CDC42SE2: variants seen among roughly 807,000 people sequenced by gnomAD.
CDC42SE2 encodes CDC42 small effector protein 2.
A neutral mutation model predicts 11.5 loss-of-function variants in CDC42SE2; 3 were observed. That is an observed-to-expected ratio of 0.26 (90% confidence interval 0.12 to 0.67). The LOEUF (loss-of-function observed/expected upper bound fraction) is 0.67, where lower values mean the gene tolerates loss of function less well. Among genes scored for constraint, CDC42SE2 ranks in the 30% least tolerant of loss-of-function variants. The pLI, the probability that CDC42SE2 is intolerant of heterozygous loss-of-function variation, is 0.80. For synonymous variants in CDC42SE2, 33 were observed against 34.8 expected (o/e 0.95, Z 0.18); for missense variants, 82 against 106.8 (o/e 0.77, Z 1.02).
At chr5:131,294,396 T>A (rs1276533548) in intron 1 of CDC42SE2, among the ~76,000 whole-genome samples, 3 of 152,180 alleles carry the variant, frequency 2.0e-5, no homozygotes. Context: ...TTTTCTGGGA[T>A]CAAATAAAAC....
intron 1 of CDC42SE2, among the ~76,000 whole-genome samples, chr5:131,285,523 C>G (rs1435641483): frequency 6.6e-6 from 1 of 152,040 alleles, no homozygotes; most frequent in African/African-American, 2.4e-5. Flanking sequence ...TAGAATAATT[C>G]TTGTGTATTT....
intron 3 of CDC42SE2, among the ~76,000 whole-genome samples, chr5:131,384,985 C>A (rs1485751643): frequency 6.6e-6 from 1 of 151,876 alleles, no homozygotes; most frequent in African/African-American, 2.4e-5. Flanking sequence ...GGTTTAGTTC[C>A]CAGCTAGAAC....
chr5:131,288,493 A>G (rs1039927743), intron 1 of CDC42SE2, among the ~76,000 whole-genome samples: 1 of 151,998 alleles, frequency 6.6e-6, no homozygotes, highest in African/African-American at 2.4e-5. Context: ...CAAATACTGT[A>G]ATTTCGATTC....
intron 3 of CDC42SE2, among the ~76,000 whole-genome samples, chr5:131,375,233 G>C (rs1422768045): frequency 2.4e-5 from 3 of 127,078 alleles, no homozygotes; most frequent in South Asian, 4.6e-4. Context: ...GATTTGCTTA[G>C]AGATTCTTTT....
chr5:131,340,304 G>A lies in CDC42SE2; in HGVS notation c.-285-18905G>A, dbSNP rs1035388805. 1.6e-4 allele frequency among the ~76,000 whole-genome samples: 24 copies of A among 152,224 alleles called. 2 individuals are homozygous for A. The highest frequency in any genetic ancestry group is 6.2e-4 in the South Asian group (3 of 4,828). ...GAGTAGCATGATGAAATTTTGAACC[G>A]TCATGCTGTGTCTCATCTGGAACAT... On this transcript the variant is annotated intron_variant, in intron 2 of 4. Coordinates refer to ENST00000505065, the MANE Select transcript of CDC42SE2 (RefSeq NM_001375635.1).
intron 3 of CDC42SE2, among the ~76,000 whole-genome samples, chr5:131,360,560 A>G (rs1043545191): frequency 7.2e-5 from 11 of 152,222 alleles, no homozygotes; most frequent in African/African-American, 1.4e-4. Flanking sequence ...AACCTTTTGC[A>G]TAGTAAATAA....
intron 2 of CDC42SE2, among the ~76,000 whole-genome samples, chr5:131,328,788 C>G (rs1432133597): frequency 6.6e-6 from 1 of 152,070 alleles, no homozygotes; most frequent in African/African-American, 2.4e-5. Context: ...GAATTTATGT[C>G]CAGGTGAGTT....
chr5:131,220,114 C>T, the CDC42SE2 span, among the ~76,000 whole-genome samples: 2 of 152,202 alleles, frequency 1.3e-5, no homozygotes, highest in South Asian at 2.1e-4. Flanking sequence ...AGGTTGTCAG[C>T]GCATAATGCT....
At chr5:131,290,070 C>G (rs1185336281) in intron 1 of CDC42SE2, among the ~76,000 whole-genome samples, 3 of 151,788 alleles carry the variant, frequency 2.0e-5, no homozygotes. Context: ...TGGTCTTCAC[C>G]TCCTGGCCTA....
At chr5:131,377,269 A>T (rs1338740053) in intron 3 of CDC42SE2, among the ~76,000 whole-genome samples, 1 of 151,844 alleles carries the variant, frequency 6.6e-6, no homozygotes, top group Non-Finnish European at 1.5e-5. Flanking sequence ...CCCGGGTTCA[A>T]ACGATTATTG....
the CDC42SE2 span, among the ~76,000 whole-genome samples, chr5:131,229,368 T>G: frequency 6.6e-6 from 1 of 152,088 alleles, no homozygotes. Context: ...ATACAATTTC[T>G]TCCTGTAGCC....
intron 2 of CDC42SE2, among the ~76,000 whole-genome samples, chr5:131,358,292 T>A (rs1050808577): frequency 6.6e-6 from 1 of 152,184 alleles, no homozygotes; most frequent in Non-Finnish European, 1.5e-5. Context: ...GAGGGAGATA[T>A]GTTGCCTTAC....
chr5:131,372,923 C>A (rs1331426492), intron 3 of CDC42SE2, among the ~76,000 whole-genome samples: 2 of 152,082 alleles, frequency 1.3e-5, no homozygotes, highest in Non-Finnish European at 2.9e-5. Flanking sequence ...AGTGAATGCT[C>A]TTATTATGGA....
chr5:131,346,649 C>A (rs979820707), intron 2 of CDC42SE2, among the ~76,000 whole-genome samples: 1 of 152,084 alleles, frequency 6.6e-6, no homozygotes, highest in African/African-American at 2.4e-5. Flanking sequence ...TGCACCAAGC[C>A]AACCTAATAG....
At chr5:131,264,024 C>T (rs1355329646), upstream of CDC42SE2, 1 of 151,792 alleles carries the variant, frequency 6.6e-6, no homozygotes, top group Non-Finnish European at 1.5e-5. Flanking sequence ...GCCCAACCCG[C>T]GCGCGAGCCT....
At position 131,359,346 on chromosome 5, in the gene CDC42SE2, C is replaced by T; in HGVS notation, c.-148C>T. ...TTTATTAAATCGACTGTGTAAGATA[C>T]TTGACTTCCAGGAACAAAAACACGG... On this transcript the variant is annotated 5_prime_UTR_variant, in exon 3 of 5. Transcript: ENST00000505065. The T allele has an allele frequency of 2.8e-6, 2 of 722,672 alleles. No homozygotes were observed. The highest frequency in any genetic ancestry group is 5.1e-6 in the Non-Finnish European group (2 of 395,138). The allele number at this position is 722,672 out of a possible 1,614,324, so 44.8% of individuals were successfully genotyped here. A position where few individuals can be genotyped will look rare whatever the true frequency, so the allele number is the denominator to read the frequency against.
At chr5:131,315,408 T>C (rs926888323) in intron 1 of CDC42SE2, among the ~76,000 whole-genome samples, 1 of 152,174 alleles carries the variant, frequency 6.6e-6, no homozygotes, top group Non-Finnish European at 1.5e-5. Flanking sequence ...TGGGAGCTAT[T>C]AGAAATACGT....
chr5:131,347,375 A>G (rs936908822), intron 2 of CDC42SE2, among the ~76,000 whole-genome samples: 3 of 152,350 alleles, frequency 2.0e-5, no homozygotes, highest in African/African-American at 4.8e-5. Flanking sequence ...AAACACCTCT[A>G]TGCAAATAAA....
At chr5:131,282,951 G>A (rs1427875961) in intron 1 of CDC42SE2, among the ~76,000 whole-genome samples, 1 of 138,972 alleles carries the variant, frequency 7.2e-6, no homozygotes, top group East Asian at 2.1e-4. Context: ...TTTTAAGATG[G>A]AGGTTCACTC....
Sources: allele counts gnomAD v4.1 joint callset (sites outside exome capture counted in the v4.1 genomes callset), GRCh38; gene constraint gnomAD v4.1.1; transcripts MANE v1.5; gene names NCBI Gene and HGNC (gene_info 2026-07-23, HGNC 2026-07-21).